The following WNT5B variants were observed in gnomAD, a reference collection of about 807,000 sequenced individuals.
WNT5B encodes the protein Wnt family member 5B.
Under a neutral mutation model 36.5 loss-of-function variants are expected in WNT5B, and 18 were observed. The observed-to-expected ratio is 0.49, with a 90% CI of 0.34 to 0.73. The LOEUF is 0.73. WNT5B is among the 30% of genes least tolerant of loss of function. WNT5B has a pLI of 0.01. For synonymous variants in WNT5B, 213 were observed against 212.3 expected (o/e 1.00, Z -0.03); for missense variants, 424 against 508.4 (o/e 0.83, Z 1.60).
At chr12:1,639,080 G>A (rs2094567637) in intron 3 of WNT5B, among the ~76,000 whole-genome samples, 1 of 152,128 alleles carries the variant, frequency 6.6e-6, no homozygotes, top group Non-Finnish European at 1.5e-5. Context: ...AGGTCACACA[G>A]GCTCTTCTGC....
rs553591041 is a variant in WNT5B at position 1,638,729 on chromosome 12, ATGT to A, written c.329-950_329-948del. ...GTGTCTGGAATTGTAGGTGCTGTAG[ATGT>A]TGTTCCCAGGGCTCCTGAGTTAGGA... On this transcript the variant is annotated intron_variant, in intron 3 of 4. Coordinates refer to ENST00000397196, the MANE Select transcript of WNT5B (RefSeq NM_032642.3). Among the ~76,000 whole-genome samples the A allele has an allele frequency of 4.6e-5, 7 of 152,304 alleles. No individual in the cohort carries two copies. The South Asian group carries it at 1.5e-3, about 32-fold the overall frequency.
Position 1,633,793 on chromosome 12 carries a change from T to G in WNT5B, c.328+888T>G, listed in dbSNP as rs1279349833. 6.6e-6 allele frequency among the ~76,000 whole-genome samples: 1 copy of G among 152,208 alleles called. No individual in the cohort carries two copies. Among genetic ancestry groups the G allele is most frequent in the African/African-American group, 2.4e-5 (1 of 41,458 alleles). On this transcript the variant is annotated intron_variant, in intron 3 of 4. Coordinates refer to ENST00000397196, the MANE Select transcript of WNT5B (RefSeq NM_032642.3). The surrounding 1 kb of genome is among the most constrained non-coding windows in gnomAD (Gnocchi z 4.8). ...GTTTCCCCAGAGAGGGATTTCAGCC[T>G]GGGAGGGGAGTTGGGGAGGTAGAGA...
At chr12:1,631,534 T>A in intron 2 of WNT5B, 100 bp downstream of exon 2, 2 of 1,568,936 alleles carry the variant, frequency 1.3e-6, no homozygotes, top group East Asian at 4.5e-5. Context: ...AGTACCTTGA[T>A]TCCTGGGAGT....
At position 1,618,988 on chromosome 12, in the gene WNT5B, T is replaced by C. The variant is rs1359978327; in HGVS notation, c.-58+1845T>C. On this transcript the variant is annotated intron_variant, in intron 1 of 4. Coordinates refer to the WNT5B transcript ENST00000310594. The surrounding 1 kb of genome is among the most constrained non-coding windows in gnomAD (Gnocchi z 4.1). ...CACTGTGATTGGGTCTGTTTTGCTA[T>C]ATACTTCCCAAATTGTGTACCTTAT... Among the ~76,000 whole-genome samples the C allele has an allele frequency of 1.3e-5, 2 of 152,170 alleles. No homozygotes were observed. The highest frequency in any genetic ancestry group is 4.8e-5 in the African/African-American group (2 of 41,444).
chr12:1,640,703 G>A (rs955919277), intron 4 of WNT5B, among the ~76,000 whole-genome samples: 1 of 152,224 alleles, frequency 6.6e-6, no homozygotes, highest in South Asian at 2.1e-4. Context: ...GCTGGAAAGC[G>A]TGAACCCTCT....
At chr12:1,634,971 A>G (rs1311948048) in intron 3 of WNT5B, among the ~76,000 whole-genome samples, 2 of 152,198 alleles carry the variant, frequency 1.3e-5, no homozygotes, top group Non-Finnish European at 2.9e-5. Flanking sequence ...TATTCTTGAG[A>G]TGGTTAGAGA....
chr12:1,628,488 T>A (rs1251066451), upstream of WNT5B, among the ~76,000 whole-genome samples: 1 of 152,324 alleles, frequency 6.6e-6, no homozygotes, highest in Non-Finnish European at 1.5e-5. Context: ...GGAAGGGGAA[T>A]CTTTTTAGAC....
At chr12:1,624,910 C>G (rs1190665938), upstream of WNT5B, among the ~76,000 whole-genome samples, 1 of 151,882 alleles carries the variant, frequency 6.6e-6, no homozygotes, top group African/African-American at 2.4e-5. Context: ...TCTTCGGTCT[C>G]AACCCATGAG....
intron 1 of WNT5B, among the ~76,000 whole-genome samples, chr12:1,620,316 A>G (rs927100326): frequency 6.6e-6 from 1 of 152,226 alleles, no homozygotes; most frequent in African/African-American, 2.4e-5. Context: ...TAGTTTTGCT[A>G]TGAATGGAAC....
rs762609822 is a variant in WNT5B, at chr12:1,644,973, G to A, written c.622-821G>A. The A allele has an allele frequency of 3.9e-5, 6 of 152,326 alleles. No individual in the cohort carries two copies. Among genetic ancestry groups the A allele is most frequent in the Non-Finnish European group, 8.8e-5 (6 of 68,130 alleles). The allele number at this position is 152,326 out of a possible 1,614,324, so 9.4% of individuals were successfully genotyped here. A position where few individuals can be genotyped will look rare whatever the true frequency, so the allele number is the denominator to read the frequency against. On this transcript the variant is annotated intron_variant, in intron 4 of 4. Transcript: ENST00000397196. This position sits in a 1 kb window ranked among gnomAD's most constrained non-coding sequence, Gnocchi z 5.1. ...AGCTCTCCCAAGGGGGCGTCTGGGG[G>A]CTGCTCGGGAGGAAGACGGTGGTCT...
At chr12:1,626,731 A>T (rs544570926), upstream of WNT5B, among the ~76,000 whole-genome samples, 16 of 151,560 alleles carry the variant, frequency 1.1e-4, no homozygotes, top group African/African-American at 3.9e-4. Context: ...CACTGGGCTA[A>T]TTTTTTTGTA....
chr12:1,642,505 C>T (rs75557887), intron 4 of WNT5B, among the ~76,000 whole-genome samples: 3 of 152,326 alleles, frequency 2.0e-5, no homozygotes, highest in Non-Finnish European at 4.4e-5. Context: ...TGCCCCTTTG[C>T]TTCAACCCTG....
intron 1 of WNT5B, among the ~76,000 whole-genome samples, chr12:1,623,216 G>GCA: frequency 5.1e-5 from 1 of 19,532 alleles, no homozygotes; most frequent in African/African-American, 2.7e-4. Flanking sequence ...TTTTTTTTGA[G>GCA]ACGGAGTCTC....
In WNT5B at chr12:1,646,204, C is replaced by G. The variant is rs2094585409; in HGVS notation, c.1032C>G (p.Val344=). 6.2e-7 allele frequency: 1 copy of G among 1,613,816 alleles called. No homozygotes were observed. The highest frequency in any genetic ancestry group is 8.5e-7 in the Non-Finnish European group (1 of 1,180,032). ...GCAAGTTCCACTGGTGCTGCTTCGT[C>G]AGGTGTAAGAAGTGCACGGAGATCG... ...CHCKFHWCCF[V]RCKKCTEIVD... Residue 344 remains valine (V), a synonymous_variant, in exon 5 of 5, where the codon GTC becomes GTG. Coordinates refer to ENST00000397196, the MANE Select transcript of WNT5B (RefSeq NM_032642.3).
upstream of WNT5B, among the ~76,000 whole-genome samples, chr12:1,626,426 G>A (rs1189751279): frequency 6.6e-6 from 1 of 151,606 alleles, no homozygotes; most frequent in African/African-American, 2.4e-5. Flanking sequence ...ACCGTGCCTG[G>A]CTAATTTTGT....
At position 1,639,795 on chromosome 12, in the gene WNT5B, CG is replaced by C; in HGVS notation, c.441del (p.Arg148GlyfsTer50). On this transcript the variant is annotated frameshift_variant, in exon 4 of 5. Transcript: ENST00000397196. LOFTEE classifies it high-confidence loss of function. ...ELSTCGCSRT[A>X]RPKDLPRDWL... The stretch of plus-strand genomic sequence containing the variant: ...TCCACCTGCGGCTGCAGCCGGACGG[CG>C]CGGCCCAAGGACCTGCCCCGGGACT... 1 of 1,612,358 alleles carries C rather than the reference CG, an allele frequency of 6.2e-7. No homozygotes were observed. Among genetic ancestry groups the C allele is most frequent in the Non-Finnish European group, 8.5e-7 (1 of 1,179,302 alleles).
Position 1,644,275 on chromosome 12 carries a change from G to A in WNT5B, c.622-1519G>A, listed in dbSNP as rs1357628633. 4.6e-5 allele frequency among the ~76,000 whole-genome samples: 7 copies of A among 152,106 alleles called. No homozygotes were observed. The highest frequency in any genetic ancestry group is 1.2e-4 in the African/African-American group (5 of 41,430). ...TTATGTCTTGGACCTGGAGCTGCCC[G>A]GCTAAGTGCTGGTGCCTTTAACCTT... is the stretch of plus-strand genomic sequence containing the variant. On this transcript the variant is annotated intron_variant, in intron 4 of 4. Transcript: ENST00000397196. This position sits in a 1 kb window ranked among gnomAD's most constrained non-coding sequence, Gnocchi z 5.1.
At chr12:1,643,792 CA>C (rs2094580264) in intron 4 of WNT5B, among the ~76,000 whole-genome samples, 1 of 123,184 alleles carries the variant, frequency 8.1e-6, no homozygotes, top group South Asian at 2.7e-4. Flanking sequence ...TATATATCTA[CA>C]AAAGGAGATT....
chr12:1,641,936 G>A (rs2094576183), intron 4 of WNT5B, among the ~76,000 whole-genome samples: 1 of 152,270 alleles, frequency 6.6e-6, no homozygotes, highest in Non-Finnish European at 1.5e-5. Flanking sequence ...TGGTGCACCT[G>A]TGTGCATAGC....
Sources: gnomAD v4.1 joint callset for allele counts (sites outside exome capture counted in the v4.1 genomes callset) on GRCh38, gnomAD v4.1.1 for gene constraint, Gnocchi (gnomAD v3.1) non-coding constraint, MANE v1.5 for transcripts, NCBI Gene and HGNC (gene_info 2026-07-23, HGNC 2026-07-21) for gene names.